Variants in DCT observed in about 807,000 individuals in gnomAD.
DCT encodes the protein L-dopachrome tautomerase.
DCT carries 47 observed loss-of-function variants against 53.0 expected under a neutral mutation model. The observed-to-expected ratio is 0.89, with a 90% CI of 0.70 to 1.13. DCT has a LOEUF of 1.13. Ranked by LOEUF, DCT falls within the 50% of genes most tolerant of loss-of-function variation. The pLI, the probability that DCT is intolerant of heterozygous loss-of-function variation, is 0.00. For synonymous variants in DCT, 244 were observed against 237.0 expected, an observed-to-expected ratio of 1.03 and a Z score of -0.27; for missense variants, 669 against 637.4, an observed-to-expected ratio of 1.05 and a Z score of -0.53.
intron 4 of DCT, among the ~76,000 whole-genome samples, chr13:94,464,871 C>T (rs79753632): frequency 8.8e-4 from 134 of 152,244 alleles, no homozygotes; most frequent in African/African-American, 2.9e-3. Context: ...CATCCTTCCC[C>T]GGCTGGCCCC....
chr13:94,458,062 T>C (rs1432275374), intron 6 of DCT, among the ~76,000 whole-genome samples: 3 of 152,118 alleles, frequency 2.0e-5, no homozygotes, highest in Non-Finnish European at 4.4e-5. Context: ...ATTATGAACA[T>C]TGTCCAAGAT....
intron 6 of DCT, among the ~76,000 whole-genome samples, chr13:94,446,462 T>C (rs1882741529): frequency 6.6e-6 from 1 of 152,192 alleles, no homozygotes; most frequent in Non-Finnish European, 1.5e-5. Flanking sequence ...ATGTGGCACA[T>C]GCCTAGCACT....
chr13:94,491,394 T>C, the DCT span, among the ~76,000 whole-genome samples: 33 of 152,162 alleles, frequency 2.2e-4, no homozygotes, highest in Admixed American at 1.3e-3. Context: ...AAGACAACAA[T>C]ATATTAGATT....
chr13:94,447,852 A>T (rs1212811236), intron 6 of DCT, among the ~76,000 whole-genome samples: 1 of 152,220 alleles, frequency 6.6e-6, no homozygotes, highest in Non-Finnish European at 1.5e-5. Flanking sequence ...AGAAGGCAAG[A>T]TCCTAAGGCA....
chr13:94,498,961 G>A, the DCT span, among the ~76,000 whole-genome samples: 1 of 152,054 alleles, frequency 6.6e-6, no homozygotes, highest in African/African-American at 2.4e-5. Context: ...TCTGTAAAAT[G>A]GACCAATCAG....
At chr13:94,448,658 T>G (rs1300461407) in intron 6 of DCT, among the ~76,000 whole-genome samples, 1 of 152,208 alleles carries the variant, frequency 6.6e-6, no homozygotes, top group Non-Finnish European at 1.5e-5. Context: ...ATCCCAGCAC[T>G]TTGTGAGACT....
the DCT span, among the ~76,000 whole-genome samples, chr13:94,512,605 T>C: frequency 6.6e-6 from 1 of 152,208 alleles, no homozygotes; most frequent in Non-Finnish European, 1.5e-5. Context: ...ACCAAAACAT[T>C]GACTCAGTAT....
At position 94,443,476 on chromosome 13, in the gene DCT, G is replaced by A. The variant is rs2139276460; in HGVS notation, c.1341C>T (p.Thr447=). The A allele has an allele frequency of 1.9e-6, 3 of 1,614,010 alleles. No homozygotes were observed. The highest frequency in any genetic ancestry group is 2.5e-6 in the Non-Finnish European group (3 of 1,179,942). ...CATAGCTGTAGCCAAGTTGGTCTGA[G>A]GTTAAAAAGAGTTCTTCATTAGTCA... ...PPVTNEELFL[T]SDQLGYSYAI... Residue 447 remains threonine (T), a synonymous_variant, in exon 7 of 8, where the codon ACC becomes ACT. Transcript: ENST00000377028.
chr13:94,487,755 G>T, the DCT span, among the ~76,000 whole-genome samples: 2 of 152,086 alleles, frequency 1.3e-5, no homozygotes, highest in Non-Finnish European at 2.9e-5. Context: ...GATGGTTTTT[G>T]ATCTATTCTT....
In DCT at chr13:94,439,107, A is replaced by G. The variant is rs114229054; in HGVS notation, c.*791T>C. 844 of 155,080 alleles carry G rather than the reference A, an allele frequency of 5.4e-3. 6 individuals carry two copies. Among genetic ancestry groups the G allele is most frequent in the African/African-American group, 0.019 (798 of 41,600 alleles). The allele number at this position is 155,080 out of a possible 1,614,324, so 9.6% of individuals were successfully genotyped here. A position where few individuals can be genotyped will look rare whatever the true frequency, so the allele number is the denominator to read the frequency against. Reference sequence around the variant, plus strand: ...GTTTACAGTAGCATATCAACTAACCAGGAAACTCTATAATTTTATTATCTT... The same window carrying G: ...GTTTACAGTAGCATATCAACTAACCGGGAAACTCTATAATTTTATTATCTT... On this transcript the variant is annotated 3_prime_UTR_variant, in exon 8 of 8. Coordinates refer to ENST00000377028, the MANE Select transcript of DCT (RefSeq NM_001922.5).
chr13:94,448,765 G>A (rs1367358871), intron 6 of DCT, among the ~76,000 whole-genome samples: 1 of 152,030 alleles, frequency 6.6e-6, no homozygotes, highest in Non-Finnish European at 1.5e-5. Context: ...TTAGCTGGGT[G>A]TGGTGGCGTG....
In DCT at chr13:94,479,309, T is replaced by C. The variant is rs9584235; in HGVS notation, c.-54A>G. 0.053 allele frequency: 76,422 copies of C among 1,431,730 alleles called. 2,336 individuals carry two copies. Among genetic ancestry groups the C allele is most frequent in the African/African-American group, 0.12 (8,185 of 69,836 alleles). 88.7% of individuals were successfully genotyped at this position (1,431,730 alleles called of 1,614,324 possible). ...TCTCTTACTTTCCTTGTCTCTGTCG[T>C]ACTTTTCTCCTTATCTTCTACTCTT... On this transcript the variant is annotated 5_prime_UTR_variant, in exon 1 of 8. Coordinates refer to ENST00000377028, the MANE Select transcript of DCT (RefSeq NM_001922.5).
the DCT span, among the ~76,000 whole-genome samples, chr13:94,538,955 G>A: frequency 1.3e-5 from 2 of 152,064 alleles, no homozygotes; most frequent in Non-Finnish European, 2.9e-5. Context: ...CTAGCTTCTA[G>A]GGGTTATCAG....
the DCT span, among the ~76,000 whole-genome samples, chr13:94,536,931 G>C: frequency 1.3e-4 from 19 of 151,886 alleles, no homozygotes; most frequent in Admixed American, 1.2e-3. Flanking sequence ...GCAACAGAGA[G>C]AGACTCCACC....
chr13:94,465,933 G>T, intron 3 of DCT, 134 bp from the exon 4 acceptor site: 1 of 287,670 alleles, frequency 3.5e-6, no homozygotes, highest in Non-Finnish European at 5.9e-6. Flanking sequence ...ATAAATGAAT[G>T]AAGAAACTGT....
rs1381263883 is a variant in DCT, at chr13:94,468,806, A to G, written c.535T>C (p.Cys179Arg). Residue 179 changes from cysteine to arginine, a missense_variant, in exon 2 of 8, where the codon TGC becomes CGC. Physicochemically the swap from Cys to Arg is radical, Grantham distance 180 (BLOSUM62 -3). Coordinates refer to ENST00000377028, the MANE Select transcript of DCT (RefSeq NM_001922.5). ...PNGTQPQFANCSVYDFFVWLH... is the reference protein window; with the variant it reads ...PNGTQPQFANRSVYDFFVWLH... The stretch of plus-strand genomic sequence containing the variant: ...CACACAAAAAAATCATAAACACTGC[A>G]GTTGGCAAACTGCGGCTGGGTTCCA... 4 of 1,614,104 alleles carry G rather than the reference A, an allele frequency of 2.5e-6. No individual in the cohort carries two copies. In the African/African-American group the frequency reaches 4.0e-5, roughly 16 times the overall value.
In DCT at chr13:94,479,132, G is replaced by A. The variant is rs765185447; in HGVS notation, c.124C>T (p.Pro42Ser). The A allele has an allele frequency of 6.2e-7, 1 of 1,614,190 alleles. No homozygotes were observed. The highest frequency in any genetic ancestry group is 8.5e-7 in the Non-Finnish European group (1 of 1,180,024). Residue 42 changes from proline (P) to serine (S), a missense_variant, in exon 1 of 8, where the codon CCA (proline) becomes TCA (serine). Pro to Ser is a moderately conservative substitution (Grantham distance 74). Transcript: ENST00000377028. Reference sequence around the variant, plus strand: ...TTGGCCGACTCTGCACCCAGGCGTGGGCAGCACTCCTTGTTCACTAGGCTG... The same window carrying A: ...TTGGCCGACTCTGCACCCAGGCGTGAGCAGCACTCCTTGTTCACTAGGCTG... ...VDSLVNKECCPRLGAESANVC... is the reference protein window; with the variant it reads ...VDSLVNKECCSRLGAESANVC...
At chr13:94,508,429 C>A in the DCT span, among the ~76,000 whole-genome samples, 1 of 152,076 alleles carries the variant, frequency 6.6e-6, no homozygotes, top group Non-Finnish European at 1.5e-5. Context: ...CTATTTATGT[C>A]TTTTCAATCA....
At chr13:94,526,855 T>C in the DCT span, among the ~76,000 whole-genome samples, 3 of 152,020 alleles carry the variant, frequency 2.0e-5, no homozygotes, top group Admixed American at 6.6e-5. Context: ...TCTAGGGATT[T>C]CCCTTTCCTA....
Sources: gnomAD v4.1 joint callset for allele counts (sites outside exome capture counted in the v4.1 genomes callset) on GRCh38, gnomAD v4.1.1 for gene constraint, MANE v1.5 for transcripts, NCBI Gene and HGNC (gene_info 2026-07-23, HGNC 2026-07-21) for gene names.